Variants in NTM observed in about 807,000 individuals in gnomAD.
The protein encoded by NTM is IgLON family member 2.
A neutral mutation model predicts 42.1 loss-of-function variants in NTM; 13 were observed. That is an observed-to-expected ratio of 0.31 (90% CI 0.20 to 0.49). NTM has a LOEUF of 0.49. Among genes scored for constraint, NTM ranks in the 20% least tolerant of loss-of-function variants. The pLI is 0.99. For synonymous variants in NTM, 187 were observed against 179.2 expected, an observed-to-expected ratio of 1.04 and a Z score of -0.35; for missense variants, 373 against 452.8, an observed-to-expected ratio of 0.82 and a Z score of 1.60.
rs1377447854 is a variant in NTM at position 132,104,989 on chromosome 11, A to G, written c.168-41293A>G. On this transcript the variant is annotated intron_variant, in intron 2 of 8. Coordinates refer to ENST00000683400, the MANE Select transcript of NTM (RefSeq NM_001352005.2). ...TATATATATATATATATATATATATATATTTCATGGGAAGCCAAATGAGGA... is the reference window on the plus strand; with the variant it reads ...TATATATATATATATATATATATATGTATTTCATGGGAAGCCAAATGAGGA... Among the ~76,000 whole-genome samples the G allele has an allele frequency of 3.8e-5, 4 of 104,662 alleles. 1 individual carries two copies. Among genetic ancestry groups the G allele is most frequent in the Admixed American group, 2.3e-4 (2 of 8,576 alleles). The allele number at this position is 104,662 out of a possible 152,430, so 68.7% of individuals were successfully genotyped here.
intron 1 of NTM, among the ~76,000 whole-genome samples, chr11:131,468,610 C>G (rs1477035604): frequency 6.6e-6 from 1 of 152,060 alleles, no homozygotes. Context: ...AATATCATGT[C>G]AATGTCATTT....
At position 132,280,126 on chromosome 11, in the gene NTM, G is replaced by C. The variant is rs2093911366; in HGVS notation, c.527-27563G>C. On this transcript the variant is annotated intron_variant, in intron 4 of 8. Transcript: ENST00000683400. ...GCTCAGTAATTGTTGTTAAACAGTT[G>C]ATGAGAGAAAATTCCCCTTGATGGA... Among the ~76,000 whole-genome samples, 3 of 152,200 alleles carry C rather than the reference G, an allele frequency of 2.0e-5. No homozygotes were observed. The South Asian group carries it at 6.2e-4, about 32-fold the overall frequency.
At chr11:131,730,496 G>A (rs2079510415) in intron 1 of NTM, among the ~76,000 whole-genome samples, 2 of 152,032 alleles carry the variant, frequency 1.3e-5, no homozygotes, top group East Asian at 3.9e-4. Flanking sequence ...AGGAGGATAG[G>A]TTGAACCCGG....
At chr11:132,123,114 T>C (rs1315362442) in intron 2 of NTM, among the ~76,000 whole-genome samples, 1 of 152,128 alleles carries the variant, frequency 6.6e-6, no homozygotes, top group Non-Finnish European at 1.5e-5. Context: ...TTTGCTTCTC[T>C]CTCTTTTCTC....
chr11:131,572,873 G>A (rs1009201975), intron 1 of NTM, among the ~76,000 whole-genome samples: 1 of 152,200 alleles, frequency 6.6e-6, no homozygotes, highest in Non-Finnish European at 1.5e-5. Context: ...CAGGTGGAGT[G>A]AGAACGGGTT....
At chr11:131,853,103 C>G (rs1252724559) in intron 1 of NTM, among the ~76,000 whole-genome samples, 1 of 149,882 alleles carries the variant, frequency 6.7e-6, no homozygotes, top group African/African-American at 2.4e-5. Flanking sequence ...CTACAAACAT[C>G]TTTAGAGTAC....
chr11:132,045,116 G>A (rs956888728), intron 2 of NTM, among the ~76,000 whole-genome samples: 2 of 152,210 alleles, frequency 1.3e-5, no homozygotes, highest in South Asian at 4.1e-4. Flanking sequence ...GAACATCAAT[G>A]CAAAAATCCT....
chr11:132,108,758 G>A (rs1026709659), intron 2 of NTM, among the ~76,000 whole-genome samples: 3 of 152,186 alleles, frequency 2.0e-5, no homozygotes, highest in African/African-American at 7.2e-5. Context: ...AGGATGTGCA[G>A]GTTTTTTACA....
At chr11:132,147,383 T>C (rs1248054427) in intron 3 of NTM, among the ~76,000 whole-genome samples, 1 of 152,084 alleles carries the variant, frequency 6.6e-6, no homozygotes, top group Admixed American at 6.5e-5. Flanking sequence ...GGCATCACAC[T>C]TGGCCACTTT....
intron 2 of NTM, among the ~76,000 whole-genome samples, chr11:131,973,225 C>A (rs949961265): frequency 6.6e-6 from 1 of 152,202 alleles, no homozygotes; most frequent in Non-Finnish European, 1.5e-5. Context: ...CACCTCTAAT[C>A]CTTTTTGTGC....
chr11:132,223,050 C>A, intron 4 of NTM, among the ~76,000 whole-genome samples: 1 of 152,186 alleles, frequency 6.6e-6, no homozygotes, highest in East Asian at 1.9e-4. Flanking sequence ...TCGACACACA[C>A]CAGTCCAGAA....
At chr11:132,171,296 A>G (rs1162251589) in intron 3 of NTM, among the ~76,000 whole-genome samples, 2 of 152,186 alleles carry the variant, frequency 1.3e-5, no homozygotes, top group African/African-American at 4.8e-5. Flanking sequence ...CCAAGCTGCT[A>G]TGACAAAGTA....
chr11:131,883,626 G>A (rs966024044), intron 1 of NTM, among the ~76,000 whole-genome samples: 1 of 152,196 alleles, frequency 6.6e-6, no homozygotes, highest in African/African-American at 2.4e-5. Flanking sequence ...CTCAGACTCA[G>A]TTGGTTTGAC....
chr11:131,933,420 A>G (rs1450616776), intron 2 of NTM, among the ~76,000 whole-genome samples: 1 of 152,166 alleles, frequency 6.6e-6, no homozygotes, highest in Non-Finnish European at 1.5e-5. Context: ...GTGCCTGACC[A>G]TCTAGTTTCC....
At chr11:132,056,934 A>G (rs1355425027) in intron 2 of NTM, among the ~76,000 whole-genome samples, 1 of 152,122 alleles carries the variant, frequency 6.6e-6, no homozygotes, top group African/African-American at 2.4e-5. Context: ...TGCCCACCAG[A>G]CAGCTTCTTG....
intron 1 of NTM, among the ~76,000 whole-genome samples, chr11:131,827,204 A>G (rs2042242784): frequency 6.6e-6 from 1 of 152,232 alleles, no homozygotes; most frequent in Admixed American, 6.5e-5. Flanking sequence ...ATGGAATTAC[A>G]TATTAGAAAA....
intron 1 of NTM, among the ~76,000 whole-genome samples, chr11:131,395,632 A>G (rs1591550289): frequency 6.6e-6 from 1 of 152,288 alleles, no homozygotes; most frequent in African/African-American, 2.4e-5. Flanking sequence ...ATTAATCATC[A>G]TTAGAACCGC....
chr11:131,777,721 A>G (rs540327797), intron 1 of NTM, among the ~76,000 whole-genome samples: 15 of 152,246 alleles, frequency 9.9e-5, no homozygotes, highest in Admixed American at 6.5e-5. Flanking sequence ...TACAGTTGCT[A>G]TGAAGTTTCT....
At chr11:132,180,789 G>A (rs2077457722) in intron 3 of NTM, among the ~76,000 whole-genome samples, 1 of 152,010 alleles carries the variant, frequency 6.6e-6, no homozygotes. Context: ...CAGCCTTAGA[G>A]AATGAAGAAC....
Sources: allele counts gnomAD v4.1 joint callset (sites outside exome capture counted in the v4.1 genomes callset), GRCh38; gene constraint gnomAD v4.1.1; transcripts MANE v1.5; gene names NCBI Gene and HGNC (gene_info 2026-07-23, HGNC 2026-07-21).